Variants in PRPF18 observed in about 807,000 individuals in gnomAD.
PRPF18 encodes pre-mRNA processing factor 18.
In PRPF18, 38 loss-of-function variants were observed where a neutral mutation model predicts 46.5. The observed-to-expected ratio is 0.82, with a 90% CI of 0.63 to 1.07. The LOEUF (loss-of-function observed/expected upper bound fraction) is 1.07, where lower values mean the gene tolerates loss of function less well. Ranked by LOEUF, PRPF18 falls within the 50% of genes least tolerant of loss-of-function variation. The pLI, the probability that PRPF18 is intolerant of heterozygous loss-of-function variation, is 0.00. For synonymous variants in PRPF18, 152 were observed against 146.7 expected, an observed-to-expected ratio of 1.04 and a Z score of -0.26; for missense variants, 263 against 410.0, an observed-to-expected ratio of 0.64 and a Z score of 3.10.
At chr10:13,597,185 G>A (rs1176464999) in intron 1 of PRPF18, among the ~76,000 whole-genome samples, 1 of 152,094 alleles carries the variant, frequency 6.6e-6, no homozygotes, top group African/African-American at 2.4e-5. Context: ...AAATATTCTT[G>A]GTCTCCTCTT....
chr10:13,591,886 G>T (rs751633373), intron 1 of PRPF18: 4 of 1,423,274 alleles, frequency 2.8e-6, no homozygotes, highest in Middle Eastern at 2.0e-4. Context: ...AACGTTCCCC[G>T]GGGTAATGCT....
the PRPF18 span, among the ~76,000 whole-genome samples, chr10:13,650,530 T>A: frequency 6.6e-6 from 1 of 152,202 alleles, no homozygotes; most frequent in African/African-American, 2.4e-5. Context: ...CCTATCTCCA[T>A]CACCTTTAGC....
chr10:13,600,062 C>T (rs912284545), intron 2 of PRPF18, among the ~76,000 whole-genome samples, 182 bp from the exon 3 acceptor site: 2 of 152,132 alleles, frequency 1.3e-5, no homozygotes, highest in African/African-American at 2.4e-5. Flanking sequence ...ATGCCCCTGA[C>T]GTGAATACGT....
chr10:13,628,023 G>T lies in PRPF18; in HGVS notation c.949-2237G>T, dbSNP rs192598928. On this transcript the variant is annotated intron_variant, in intron 9 of 9. Coordinates refer to ENST00000378572, the MANE Select transcript of PRPF18 (RefSeq NM_003675.4). ...TATCATCTATATTTCCATGGCTACC[G>T]ATCAAAGTTCTGCATACACATGATT... 5.9e-5 allele frequency among the ~76,000 whole-genome samples: 9 copies of T among 152,206 alleles called. No homozygotes were observed. The East Asian group carries it at 1.7e-3, about 29-fold the overall frequency.
chr10:13,587,655 C>A (rs77258551), intron 1 of PRPF18, among the ~76,000 whole-genome samples: 2,125 of 152,290 alleles, frequency 0.014, 53 homozygotes, highest in African/African-American at 0.047. Flanking sequence ...AGCCACAGAC[C>A]GAACCCTTCA....
chr10:13,653,487 T>TC, the PRPF18 span: 1 of 152,230 alleles, frequency 6.6e-6, no homozygotes, highest in African/African-American at 2.4e-5. Context: ...AGAGTGAGAC[T>TC]CCGTCTCAAA....
Position 13,597,471 on chromosome 10 carries a change from AT to A in PRPF18, c.83del (p.Phe28SerfsTer32). 1 of 1,598,720 alleles carries A rather than the reference AT, an allele frequency of 6.3e-7. No homozygotes were observed. The highest frequency in any genetic ancestry group is 8.5e-7 in the Non-Finnish European group (1 of 1,173,364). On this transcript the variant is annotated frameshift_variant, in exon 2 of 10. Coordinates refer to ENST00000378572, the MANE Select transcript of PRPF18 (RefSeq NM_003675.4). LOFTEE classifies it high-confidence loss of function. ...TTTCTTTAATAGGAAAATAAAAAAT[AT>A]TTCAAGCGTAGTGAGCTCGCCAAAA... ...DRNLLVENKK[Y>X]FKRSELAKKE...
chr10:13,627,282 C>T (rs921786375), intron 9 of PRPF18, among the ~76,000 whole-genome samples: 3 of 152,170 alleles, frequency 2.0e-5, no homozygotes, highest in Non-Finnish European at 4.4e-5. Flanking sequence ...TCTTCCCTTA[C>T]CACAATTCGA....
At chr10:13,591,783 G>A (rs1589115823) in intron 1 of PRPF18, 2 of 1,428,306 alleles carry the variant, frequency 1.4e-6, no homozygotes, top group Non-Finnish European at 1.9e-6. Flanking sequence ...CTCGATTGAG[G>A]ACCAGAGGTC....
At chr10:13,612,622 CTTTTTTTTTTT>C (rs61113168) in intron 6 of PRPF18, among the ~76,000 whole-genome samples, 4 of 76,130 alleles carry the variant, frequency 5.3e-5, no homozygotes, top group East Asian at 1.1e-3. Flanking sequence ...AGGGTTCTAG[CTTTTTTTTTTT>C]TTTTTTTTTT....
rs2133768694 is a variant in PRPF18, at chr10:13,614,194, A to G, written c.792+108A>G. 2.1e-5 allele frequency: 18 copies of G among 859,922 alleles called. No homozygotes were observed. The South Asian group carries it at 4.1e-4, about 19-fold the overall frequency. The allele number at this position is 859,922 out of a possible 1,614,324, so 53.3% of individuals were successfully genotyped here. On this transcript the variant is annotated intron_variant, in intron 8 of 9. Transcript: ENST00000378572. ...GATTTTACATAGTAGATTTAAGAAT[A>G]AATGTGAGATGAGTTAGTAGTAAAA...
At chr10:13,639,421 C>G in the PRPF18 span, 78,765 of 151,908 alleles carry the variant, frequency 0.52, 20,863 homozygotes, top group East Asian at 0.73. Flanking sequence ...ATACATGGCT[C>G]TGGTTTCATC....
chr10:13,619,064 A>G (rs554626482), intron 9 of PRPF18, among the ~76,000 whole-genome samples: 148 of 152,310 alleles, frequency 9.7e-4, no homozygotes, highest in Admixed American at 2.5e-3. Context: ...GATCCCTCAC[A>G]TGTGCTGTTC....
At chr10:13,648,409 A>G in the PRPF18 span, among the ~76,000 whole-genome samples, 3 of 152,174 alleles carry the variant, frequency 2.0e-5, no homozygotes, top group East Asian at 1.9e-4. Flanking sequence ...CAGGGGTCCT[A>G]TGTTTTTCTT....
chr10:13,650,566 G>T, the PRPF18 span, among the ~76,000 whole-genome samples: 5 of 152,148 alleles, frequency 3.3e-5, no homozygotes, highest in African/African-American at 9.7e-5. Context: ...CATACCGGGG[G>T]AGAAAAAGGC....
At chr10:13,592,978 A>G (rs1295032003) in intron 1 of PRPF18, among the ~76,000 whole-genome samples, 1 of 152,240 alleles carries the variant, frequency 6.6e-6, no homozygotes, top group Admixed American at 6.5e-5. Flanking sequence ...CCCTTACACA[A>G]TTATTGATTT....
At chr10:13,652,068 A>G in the PRPF18 span, 2 of 783,282 alleles carry the variant, frequency 2.6e-6, no homozygotes, top group South Asian at 1.4e-5. Context: ...GCTTATTAAT[A>G]TATCCGAAAG....
rs150698412 is a variant in PRPF18, at chr10:13,596,399, T to C, written c.67-1059T>C. On this transcript the variant is annotated intron_variant, in intron 1 of 9. Coordinates refer to ENST00000378572, the MANE Select transcript of PRPF18 (RefSeq NM_003675.4). The stretch of plus-strand genomic sequence containing the variant: ...GGGTTCAAATGGTGGCAGGCTCATC[T>C]TTCCATTGTCACCATTGGCCTTTTT... Among the ~76,000 whole-genome samples the C allele has an allele frequency of 3.4e-3, 522 of 152,352 alleles. 3 individuals carry two copies. The highest frequency in any genetic ancestry group is 0.012 in the African/African-American group (497 of 41,584).
At chr10:13,614,792 A>G (rs556736111) in intron 8 of PRPF18, among the ~76,000 whole-genome samples, 21 of 152,174 alleles carry the variant, frequency 1.4e-4, no homozygotes, top group Non-Finnish European at 2.9e-4. Flanking sequence ...GAAGGGCCCA[A>G]TGCACCAGTA....
Sources: gnomAD v4.1 joint callset for allele counts (sites outside exome capture counted in the v4.1 genomes callset) on GRCh38, gnomAD v4.1.1 for gene constraint, MANE v1.5 for transcripts, NCBI Gene and HGNC (gene_info 2026-07-23, HGNC 2026-07-21) for gene names.